Variants in LEF1 observed in about 807,000 individuals in gnomAD.
LEF1 encodes lymphoid enhancer-binding factor 1.
A neutral mutation model predicts 51.2 loss-of-function variants in LEF1; 14 were observed. The ratio of observed to expected loss-of-function variants is 0.27; its 90% CI spans 0.18 to 0.43. The LOEUF (loss-of-function observed/expected upper bound fraction) is 0.43, where lower values mean the gene tolerates loss of function less well. Among genes scored for constraint, LEF1 ranks in the 20% least tolerant of loss-of-function variants. LEF1 has a pLI of 1.00. For missense variants in LEF1, 386 were observed against 512.0 expected (o/e 0.75, Z 2.37); for synonymous variants, 185 against 183.2 (o/e 1.01, Z -0.08).
chr4:108,118,417 T>C (rs1741968474), intron 3 of LEF1, among the ~76,000 whole-genome samples: 2 of 152,208 alleles, frequency 1.3e-5, no homozygotes, highest in Non-Finnish European at 2.9e-5. Flanking sequence ...GTGCGAAACT[T>C]AGGCTTAATG....
intron 3 of LEF1, among the ~76,000 whole-genome samples, chr4:108,090,920 T>C (rs530741534): frequency 3.1e-4 from 47 of 152,302 alleles, no homozygotes; most frequent in African/African-American, 1.1e-3. Flanking sequence ...AGGTGTTTGT[T>C]TCTGATTTTA....
intron 9 of LEF1, among the ~76,000 whole-genome samples, chr4:108,065,048 C>G (rs1397124867): frequency 6.6e-6 from 1 of 152,150 alleles, no homozygotes; most frequent in Non-Finnish European, 1.5e-5. Flanking sequence ...AATTAAGGAC[C>G]TTGCTTCCCA....
chr4:108,089,658 T>C (rs559024318), intron 3 of LEF1, among the ~76,000 whole-genome samples: 106 of 152,196 alleles, frequency 7.0e-4, no homozygotes, highest in Non-Finnish European at 1.4e-3. Context: ...ATTCACTACA[T>C]ATGTCTGGCA....
At chr4:108,083,231 T>C in intron 5 of LEF1, 125 bp downstream of exon 5, 1 of 732,884 alleles carries the variant, frequency 1.4e-6, no homozygotes, top group Admixed American at 2.1e-5. Flanking sequence ...GTTAGCACCT[T>C]GCTTGTTGAT....
intron 3 of LEF1, among the ~76,000 whole-genome samples, chr4:108,104,304 T>C (rs564023206): frequency 1.1e-3 from 167 of 151,678 alleles, no homozygotes; most frequent in African/African-American, 3.9e-3. Context: ...CTGTTTGGAG[T>C]GATGGAATTA....
Position 108,166,721 on chromosome 4 carries a change from T to C in LEF1, c.213+834A>G, listed in dbSNP as rs879088299. Reference sequence around the variant, plus strand: ...AGCGCCTTCCACCCTGCAGGACTAGTGCCCGGCTTCCGCTGCTTCTCCGCC... The same window carrying C: ...AGCGCCTTCCACCCTGCAGGACTAGCGCCCGGCTTCCGCTGCTTCTCCGCC... On this transcript the variant is annotated intron_variant, in intron 1 of 11. Transcript: ENST00000265165. 5.9e-5 allele frequency: 58 copies of C among 990,120 alleles called. No homozygotes were observed. In the South Asian group the frequency reaches 2.0e-3, roughly 35 times the overall value. The allele number at this position is 990,120 out of a possible 1,614,324, so 61.3% of individuals were successfully genotyped here.
At chr4:108,103,493 C>T (rs940492675) in intron 3 of LEF1, among the ~76,000 whole-genome samples, 37 of 152,338 alleles carry the variant, frequency 2.4e-4, no homozygotes, top group African/African-American at 8.7e-4. Flanking sequence ...AATTTCTTCA[C>T]GCTCTCAATT....
intron 4 of LEF1, among the ~76,000 whole-genome samples, chr4:108,086,706 A>C (rs567133185): frequency 2.0e-5 from 3 of 152,340 alleles, no homozygotes. Context: ...AAAATGGGTA[A>C]CACATAGATA....
At chr4:108,124,762 G>T (rs1742416388) in intron 3 of LEF1, among the ~76,000 whole-genome samples, 2 of 152,196 alleles carry the variant, frequency 1.3e-5, no homozygotes, top group Admixed American at 1.3e-4. Context: ...TAAAAGTTAT[G>T]AAAACACTTT....
Position 108,078,350 on chromosome 4 carries a change from TC to T in LEF1, c.877del (p.Glu293SerfsTer11). ...CTTCTTAATGTGAGGTCTTTTTGGC[TC>T]CTGCTCCTTTCTCTGTTCATGCTGA... ...KPQHEQRKEQ[E>X]PKRPHIKKPL... On this transcript the variant is annotated frameshift_variant, in exon 8 of 12. Transcript: ENST00000265165. LOFTEE classifies it high-confidence loss of function. 6.2e-7 allele frequency: 1 copy of T among 1,614,174 alleles called. No individual in the cohort carries two copies. Among genetic ancestry groups the T allele is most frequent in the Non-Finnish European group, 8.5e-7 (1 of 1,180,030 alleles).
At chr4:108,166,651 A>G (rs1745414169) in intron 1 of LEF1, 2 of 1,020,618 alleles carry the variant, frequency 2.0e-6, no homozygotes, top group African/African-American at 1.7e-5. Context: ...TACTCTACTC[A>G]GGTTACCAGC....
intron 3 of LEF1, among the ~76,000 whole-genome samples, chr4:108,126,089 C>T (rs1578373122): frequency 6.6e-6 from 1 of 152,256 alleles, no homozygotes; most frequent in African/African-American, 2.4e-5. Context: ...GTGGTCATAA[C>T]TATGTTCTGA....
intron 8 of LEF1, among the ~76,000 whole-genome samples, chr4:108,073,425 A>C (rs960719565): frequency 6.6e-6 from 1 of 152,214 alleles, no homozygotes; most frequent in Non-Finnish European, 1.5e-5. Context: ...AATTAGCTTT[A>C]GTGCTAAATA....
chr4:108,108,770 T>TA (rs949632229), intron 3 of LEF1, among the ~76,000 whole-genome samples: 6 of 152,134 alleles, frequency 3.9e-5, no homozygotes, highest in African/African-American at 1.4e-4. Context: ...AATATTAGGA[T>TA]AAAAAATAAA....
At chr4:108,086,645 C>T (rs888547604) in intron 4 of LEF1, among the ~76,000 whole-genome samples, 7 of 152,082 alleles carry the variant, frequency 4.6e-5, no homozygotes, top group Admixed American at 1.3e-4. Flanking sequence ...ATATGTACTA[C>T]GGAAAATGCC....
chr4:108,060,169 CAG>C (rs1172271762), intron 11 of LEF1, among the ~76,000 whole-genome samples: 3 of 152,132 alleles, frequency 2.0e-5, no homozygotes, highest in South Asian at 2.1e-4. Flanking sequence ...AGGAGGGACA[CAG>C]GGGATGATCT....
chr4:108,050,426 G>A (rs1352788963), intron 11 of LEF1, among the ~76,000 whole-genome samples: 1 of 152,046 alleles, frequency 6.6e-6, no homozygotes, highest in Non-Finnish European at 1.5e-5. Flanking sequence ...GAAGTTGTCT[G>A]TACCTCAGTA....
chr4:108,071,258 C>T (rs778100489), intron 8 of LEF1, among the ~76,000 whole-genome samples: 2 of 152,144 alleles, frequency 1.3e-5, no homozygotes, highest in Non-Finnish European at 2.9e-5. Flanking sequence ...TATGAAGAGC[C>T]TGAAACCTTA....
Position 108,068,331 on chromosome 4 carries a change from C to T in LEF1, c.1116+2332G>A, listed in dbSNP as rs563786976. On this transcript the variant is annotated intron_variant, in intron 9 of 11. Coordinates refer to ENST00000265165, the MANE Select transcript of LEF1 (RefSeq NM_016269.5). Reference sequence around the variant, plus strand: ...GGTACTGGAAGACTGAGCTAATCCACTCAGGAGGAGGAAAACCACGTAGAT... The same window carrying T: ...GGTACTGGAAGACTGAGCTAATCCATTCAGGAGGAGGAAAACCACGTAGAT... 4.6e-5 allele frequency among the ~76,000 whole-genome samples: 7 copies of T among 152,274 alleles called. No individual in the cohort carries two copies. The South Asian group carries it at 1.5e-3, about 32-fold the overall frequency.
Sources: allele counts gnomAD v4.1 joint callset (sites outside exome capture counted in the v4.1 genomes callset), GRCh38; gene constraint gnomAD v4.1.1; transcripts MANE v1.5; gene names NCBI Gene and HGNC (gene_info 2026-07-23, HGNC 2026-07-21).